The following RBMS3 variants were observed in gnomAD, a reference collection of about 807,000 sequenced individuals.
RBMS3 encodes RNA-binding motif, single-stranded-interacting protein 3.
Under a neutral mutation model 66.8 loss-of-function variants are expected in RBMS3, and 27 were observed. The ratio of observed to expected loss-of-function variants is 0.40; its 90% CI spans 0.30 to 0.56. The LOEUF is 0.56. Among genes scored for constraint, RBMS3 ranks in the 20% least tolerant of loss-of-function variants. The pLI is 0.40. For synonymous variants in RBMS3, 188 were observed against 183.0 expected (o/e 1.03, Z -0.22); for missense variants, 513 against 549.5 (o/e 0.93, Z 0.66).
intron 3 of RBMS3, among the ~76,000 whole-genome samples, chr3:29,512,392 A>C (rs1022974478): frequency 3.9e-5 from 6 of 152,162 alleles, no homozygotes; most frequent in African/African-American, 1.2e-4. Context: ...GTTAGAATTA[A>C]ATTATTATCT....
At chr3:29,581,398 C>G (rs1234097608) in intron 3 of RBMS3, among the ~76,000 whole-genome samples, 1 of 151,986 alleles carries the variant, frequency 6.6e-6, no homozygotes, top group Non-Finnish European at 1.5e-5. Flanking sequence ...AGCAGAAATA[C>G]AGAGGTATGG....
At chr3:29,816,824 G>A (rs2057918264) in intron 6 of RBMS3, among the ~76,000 whole-genome samples, 1 of 152,068 alleles carries the variant, frequency 6.6e-6, no homozygotes, top group Non-Finnish European at 1.5e-5. Context: ...GGGTGTGGTG[G>A]CTCACGACTG....
intron 7 of RBMS3, among the ~76,000 whole-genome samples, chr3:29,883,052 G>GA (rs2059773790): frequency 6.6e-6 from 1 of 150,706 alleles, no homozygotes; most frequent in South Asian, 2.1e-4. Flanking sequence ...TTTTAAATTC[G>GA]AAAAAAGAAA....
intron 4 of RBMS3, chr3:29,696,864 C>T (rs1415022355): frequency 1.3e-6 from 1 of 768,064 alleles, no homozygotes; most frequent in African/African-American, 1.9e-5. Context: ...TCATCATACA[C>T]AAGGGGTGAG....
chr3:29,380,115 A>G (rs914402477), intron 1 of RBMS3, among the ~76,000 whole-genome samples: 2 of 152,106 alleles, frequency 1.3e-5, no homozygotes, highest in Non-Finnish European at 2.9e-5. Flanking sequence ...TATGAAGCTT[A>G]AAATAAATAG....
Position 29,673,838 on chromosome 3 carries a change from G to T in RBMS3, c.400-65882G>T, listed in dbSNP as rs550101692. Among the ~76,000 whole-genome samples, 18 of 152,268 alleles carry T rather than the reference G, an allele frequency of 1.2e-4. No homozygotes were observed. In the South Asian group the frequency reaches 1.2e-3, roughly 10 times the overall value. ...CTACTAGAGGTACAAAGAGGAGCTG[G>T]TACCATTCGTTCTGAAACTATACCA... On this transcript the variant is annotated intron_variant, in intron 4 of 14. Transcript: ENST00000383767.
chr3:29,499,309 A>G (rs1252997126), intron 3 of RBMS3, among the ~76,000 whole-genome samples: 1 of 152,136 alleles, frequency 6.6e-6, no homozygotes, highest in Non-Finnish European at 1.5e-5. Context: ...CTAAATAGCT[A>G]TTCTTTTTCC....
intron 12 of RBMS3, among the ~76,000 whole-genome samples, chr3:29,968,624 C>T (rs1697020786): frequency 6.6e-6 from 1 of 152,236 alleles, no homozygotes; most frequent in Non-Finnish European, 1.5e-5. Context: ...TTCAGCTTCT[C>T]CAGTGGGGGT....
intron 1 of RBMS3, among the ~76,000 whole-genome samples, chr3:29,430,676 C>T (rs2041149276): frequency 6.6e-6 from 1 of 152,146 alleles, no homozygotes; most frequent in Non-Finnish European, 1.5e-5. Context: ...GTAGCTGGTG[C>T]TTTCTTATTT....
At chr3:29,685,254 G>A (rs973309906) in intron 4 of RBMS3, among the ~76,000 whole-genome samples, 1 of 152,010 alleles carries the variant, frequency 6.6e-6, no homozygotes, top group Non-Finnish European at 1.5e-5. Flanking sequence ...GTAGAGATGG[G>A]GTTTCACCAT....
intron 3 of RBMS3, among the ~76,000 whole-genome samples, chr3:29,493,532 T>C (rs2043628229): frequency 6.6e-6 from 1 of 152,188 alleles, no homozygotes; most frequent in Non-Finnish European, 1.5e-5. Context: ...ACTGGCAATA[T>C]CAAGCAAGAC....
chr3:29,682,209 C>A (rs756426995), intron 4 of RBMS3, among the ~76,000 whole-genome samples: 11 of 152,200 alleles, frequency 7.2e-5, no homozygotes, highest in Non-Finnish European at 1.2e-4. Flanking sequence ...GCAATGGTGC[C>A]ATCTTGGCTC....
At chr3:29,901,642 A>G (rs1487893262) in intron 10 of RBMS3, among the ~76,000 whole-genome samples, 1 of 151,620 alleles carries the variant, frequency 6.6e-6, no homozygotes, top group African/African-American at 2.4e-5. Flanking sequence ...GTGTGTGTAC[A>G]TGTGTGTGTG....
At chr3:29,418,511 CA>C (rs2040570716) in intron 1 of RBMS3, among the ~76,000 whole-genome samples, 1 of 152,082 alleles carries the variant, frequency 6.6e-6, no homozygotes, top group Admixed American at 6.6e-5. Context: ...AATAGACAGT[CA>C]ATGTTGCAGA....
At chr3:29,570,642 C>A (rs1160833267) in intron 3 of RBMS3, among the ~76,000 whole-genome samples, 1 of 152,150 alleles carries the variant, frequency 6.6e-6, no homozygotes, top group African/African-American at 2.4e-5. Context: ...CATGTTGTTG[C>A]AAATGACAGG....
At chr3:29,341,700 T>G (rs148700685) in intron 1 of RBMS3, among the ~76,000 whole-genome samples, 11 of 152,308 alleles carry the variant, frequency 7.2e-5, no homozygotes, top group African/African-American at 2.6e-4. Context: ...TTCCTCTTAC[T>G]GCTCTTAACT....
At chr3:29,630,295 T>C (rs1353911681) in intron 4 of RBMS3, among the ~76,000 whole-genome samples, 2 of 152,080 alleles carry the variant, frequency 1.3e-5, no homozygotes, top group Admixed American at 6.6e-5. Context: ...GATGTCATAG[T>C]CACTAACAGC....
At chr3:29,750,855 A>G (rs1462262625) in intron 5 of RBMS3, among the ~76,000 whole-genome samples, 2 of 152,152 alleles carry the variant, frequency 1.3e-5, no homozygotes, top group Non-Finnish European at 2.9e-5. Flanking sequence ...TTTCTCCTTT[A>G]TGTCCAGGTT....
chr3:29,767,552 C>T (rs746854947), intron 6 of RBMS3: 35 of 151,812 alleles, frequency 2.3e-4, no homozygotes, highest in Non-Finnish European at 2.9e-5. Context: ...TAATATTTTT[C>T]GAATAAATAA....
Sources: allele counts gnomAD v4.1 joint callset (sites outside exome capture counted in the v4.1 genomes callset), GRCh38; gene constraint gnomAD v4.1.1; transcripts MANE v1.5; gene names NCBI Gene and HGNC (gene_info 2026-07-23, HGNC 2026-07-21).